ADAMTS6: variants seen among roughly 807,000 people sequenced by gnomAD.
ADAMTS6 encodes ADAM metallopeptidase with thrombospondin type 1 motif 6.
A neutral mutation model predicts 144.3 loss-of-function variants in ADAMTS6; 23 were observed. The ratio of observed to expected loss-of-function variants is 0.16; its 90% CI spans 0.11 to 0.23. The LOEUF (loss-of-function observed/expected upper bound fraction) is 0.23, where lower values mean the gene tolerates loss of function less well. ADAMTS6 is among the 10% of genes least tolerant of loss of function. The pLI is 1.00. For missense variants in ADAMTS6, 999 were observed against 1,379.6 expected (o/e 0.72, Z 4.37); for synonymous variants, 444 against 457.5 (o/e 0.97, Z 0.38).
intron 7 of ADAMTS6, among the ~76,000 whole-genome samples, chr5:65,363,971 T>C (rs1750066700): frequency 6.6e-6 from 1 of 152,222 alleles, no homozygotes. Flanking sequence ...AAGCCATAAC[T>C]TAAAATTCTC....
chr5:65,243,658 T>C (rs1759391030), intron 14 of ADAMTS6, among the ~76,000 whole-genome samples: 1 of 152,124 alleles, frequency 6.6e-6, no homozygotes. Context: ...GGTCTTTTTT[T>C]TCCTGGTCTG....
intron 11 of ADAMTS6, among the ~76,000 whole-genome samples, chr5:65,273,747 A>G (rs1295602861): frequency 6.6e-6 from 1 of 152,148 alleles, no homozygotes; most frequent in Non-Finnish European, 1.5e-5. Context: ...TAGGGAGAAA[A>G]AAATGACTAT....
At chr5:65,276,874 A>G (rs556187317) in intron 11 of ADAMTS6, among the ~76,000 whole-genome samples, 37 of 152,348 alleles carry the variant, frequency 2.4e-4, no homozygotes, top group Middle Eastern at 6.8e-3. Context: ...TTTACTATCC[A>G]CCAGCTTAGC....
intron 12 of ADAMTS6, among the ~76,000 whole-genome samples, chr5:65,266,905 T>C (rs965585141): frequency 3.3e-5 from 5 of 151,966 alleles, no homozygotes; most frequent in Non-Finnish European, 7.4e-5. Context: ...GAAACTTATT[T>C]AATTAACAAA....
At chr5:65,341,846 G>A (rs933862449) in intron 7 of ADAMTS6, among the ~76,000 whole-genome samples, 5 of 151,904 alleles carry the variant, frequency 3.3e-5, no homozygotes, top group African/African-American at 1.2e-4. Flanking sequence ...CATTCTATGA[G>A]GCCACCATAA....
At chr5:65,451,200 C>A in intron 7 of ADAMTS6, 1 of 275,336 alleles carries the variant, frequency 3.6e-6, no homozygotes, top group Non-Finnish European at 6.7e-6. Flanking sequence ...CATCTACATG[C>A]TTTTGATTAA....
chr5:65,315,147 A>T (rs963015065), intron 9 of ADAMTS6, among the ~76,000 whole-genome samples: 1 of 152,150 alleles, frequency 6.6e-6, no homozygotes, highest in Non-Finnish European at 1.5e-5. Context: ...AATAAAATGA[A>T]GGACAGCAAT....
At chr5:65,319,787 A>AG in intron 9 of ADAMTS6, among the ~76,000 whole-genome samples, 2 of 148,158 alleles carry the variant, frequency 1.3e-5, no homozygotes, top group African/African-American at 5.0e-5. Flanking sequence ...GAAGGAAGGA[A>AG]GAGAGGAAGG....
intron 1 of ADAMTS6, among the ~76,000 whole-genome samples, chr5:65,476,891 G>A (rs1356153611): frequency 6.6e-6 from 1 of 152,144 alleles, no homozygotes; most frequent in Non-Finnish European, 1.5e-5. Flanking sequence ...GGGATTCCAG[G>A]CGTGAGCCAC....
chr5:65,429,090 T>G lies in ADAMTS6; in HGVS notation c.1073+22385A>C, dbSNP rs145353207. The stretch of plus-strand genomic sequence containing the variant: ...CAGTCCACAGAAACTAGAAAGAATT[T>G]CCCTTGCCCCTTCTCTACTGAAGCA... On this transcript the variant is annotated intron_variant, in intron 7 of 24. Transcript: ENST00000381055. 1.2e-4 allele frequency among the ~76,000 whole-genome samples: 19 copies of G among 152,260 alleles called. No homozygotes were observed. The East Asian group carries it at 3.7e-3, about 29-fold the overall frequency.
At chr5:65,437,794 T>C (rs1163562219) in intron 7 of ADAMTS6, among the ~76,000 whole-genome samples, 1 of 152,250 alleles carries the variant, frequency 6.6e-6, no homozygotes, top group Admixed American at 6.5e-5. Context: ...ATAATTGTTA[T>C]ATTTTTATTG....
At chr5:65,367,672 C>T (rs907627920) in intron 7 of ADAMTS6, among the ~76,000 whole-genome samples, 7 of 152,228 alleles carry the variant, frequency 4.6e-5, no homozygotes, top group Non-Finnish European at 7.4e-5. Flanking sequence ...CTGGTTGAGG[C>T]CTTTCTTCTG....
rs540975127 is a variant in ADAMTS6, at chr5:65,432,005, C to T, written c.1073+19470G>A. Among the ~76,000 whole-genome samples, 14 of 152,102 alleles carry T rather than the reference C, an allele frequency of 9.2e-5. No individual in the cohort carries two copies. The South Asian group carries it at 2.9e-3, about 32-fold the overall frequency. ...GATTTTGCGAGAGGTGGGTAAAATA[C>T]TCAAATATTGTTTTCTCTTAGTCTA... is the stretch of plus-strand genomic sequence containing the variant. On this transcript the variant is annotated intron_variant, in intron 7 of 24. Transcript: ENST00000381055.
At chr5:65,395,197 T>C (rs753018610) in intron 7 of ADAMTS6, among the ~76,000 whole-genome samples, 1 of 152,186 alleles carries the variant, frequency 6.6e-6, no homozygotes, top group Non-Finnish European at 1.5e-5. Flanking sequence ...AGGTGTATAT[T>C]AAACATTATG....
chr5:65,448,748 C>A (rs928586523), intron 7 of ADAMTS6, among the ~76,000 whole-genome samples: 1 of 151,948 alleles, frequency 6.6e-6, no homozygotes, highest in Admixed American at 6.6e-5. Context: ...CCACCGCGCC[C>A]GGCCCTGGCA....
intron 2 of ADAMTS6, among the ~76,000 whole-genome samples, chr5:65,472,905 T>C (rs759652296): frequency 5.9e-5 from 9 of 152,104 alleles, no homozygotes; most frequent in Non-Finnish European, 1.3e-4. Context: ...ACCAAAAAAT[T>C]ATCTATTACT....
intron 7 of ADAMTS6, among the ~76,000 whole-genome samples, chr5:65,425,529 C>T (rs1316098746): frequency 6.6e-6 from 1 of 152,280 alleles, no homozygotes; most frequent in Non-Finnish European, 1.5e-5. Flanking sequence ...TTGGCTTTCA[C>T]GTAGAATAGT....
At chr5:65,463,028 T>C (rs1759741637) in intron 3 of ADAMTS6, among the ~76,000 whole-genome samples, 1 of 149,514 alleles carries the variant, frequency 6.7e-6, no homozygotes, top group Admixed American at 6.7e-5. Flanking sequence ...TGCAGTGAGC[T>C]GAGATCGTGC....
chr5:65,188,801 A>C (rs554475570), intron 21 of ADAMTS6, among the ~76,000 whole-genome samples: 2 of 152,384 alleles, frequency 1.3e-5, no homozygotes, highest in Non-Finnish European at 2.9e-5. Context: ...TGTCTGTCAT[A>C]TAACAAACAA....
Sources: allele counts gnomAD v4.1 joint callset (sites outside exome capture counted in the v4.1 genomes callset), GRCh38; gene constraint gnomAD v4.1.1; transcripts MANE v1.5; gene names NCBI Gene and HGNC (gene_info 2026-07-23, HGNC 2026-07-21).